The following SLC24A1 variants were observed in gnomAD, a reference collection of about 807,000 sequenced individuals.
The protein encoded by SLC24A1 is solute carrier family 24 member 1, also known as sodium/potassium/calcium exchanger 1.
A neutral mutation model predicts 88.1 loss-of-function variants in SLC24A1; 52 were observed. The observed-to-expected ratio is 0.59, with a 90% CI of 0.47 to 0.74. The LOEUF (loss-of-function observed/expected upper bound fraction) is 0.74, where lower values mean the gene tolerates loss of function less well. Among genes scored for constraint, SLC24A1 ranks in the 30% least tolerant of loss-of-function variants. SLC24A1 has a pLI of 0.00. For synonymous variants in SLC24A1, 455 were observed against 498.0 expected, an observed-to-expected ratio of 0.91 and a Z score of 1.15; for missense variants, 1,173 against 1,363.3, an observed-to-expected ratio of 0.86 and a Z score of 2.20.
intron 2 of SLC24A1, among the ~76,000 whole-genome samples, chr15:65,633,540 A>T (rs2074804403): frequency 1.3e-5 from 2 of 151,780 alleles, no homozygotes; most frequent in African/African-American, 4.8e-5. Flanking sequence ...GGCACCTGTA[A>T]TCCCAGCTAC....
intron 6 of SLC24A1, among the ~76,000 whole-genome samples, chr15:65,648,469 T>C (rs1286614582): frequency 1.3e-5 from 2 of 151,890 alleles, no homozygotes; most frequent in South Asian, 2.1e-4. Flanking sequence ...TCTGAATCAA[T>C]GGCTTTTAAT....
rs1566948829 is a variant in SLC24A1 at position 65,625,617 on chromosome 15, C to T, written c.1537C>T (p.Leu513Phe). 2 of 1,614,036 alleles carry T rather than the reference C, an allele frequency of 1.2e-6. No individual in the cohort carries two copies. Among genetic ancestry groups the T allele is most frequent in the Non-Finnish European group, 1.7e-6 (2 of 1,179,898 alleles). ...CTCTGCTCCTGAGCTCTTCACCTCC[C>T]TCATCGGTGTCTTCATTTCCCACAG... ...GGSAPELFTS[L>F]IGVFISHSNV... Residue 513 changes from leucine to phenylalanine, a missense_variant, in exon 2 of 10, where the codon CTC becomes TTC. Transcript: ENST00000261892.
chr15:65,659,321 G>GCT (rs1491492345), downstream of SLC24A1: 1 of 66,668 alleles, frequency 1.5e-5, no homozygotes, highest in Non-Finnish European at 3.0e-5. Flanking sequence ...GATATTTTCT[G>GCT]GTTTTTTTTT....
intron 4 of SLC24A1, among the ~76,000 whole-genome samples, chr15:65,640,985 C>T (rs1232543012): frequency 4.0e-5 from 6 of 151,814 alleles, no homozygotes; most frequent in Non-Finnish European, 2.9e-5. Context: ...CACTTGAACC[C>T]GGGAGGTGGA....
intron 6 of SLC24A1, 42 bp downstream of exon 6, chr15:65,645,745 AG>A: frequency 3.5e-6 from 5 of 1,419,778 alleles, no homozygotes; most frequent in Non-Finnish European, 4.9e-6. Flanking sequence ...GGAGAGGTCT[AG>A]GGAAGGAACT....
chr15:65,654,397 A>T lies in SLC24A1; in HGVS notation c.*318A>T. ...GAGATAACTGGGGGCAAAGGTTGGG[A>T]TAGGCGCAGCAGCTATAAGACAAGC... On this transcript the variant is annotated 3_prime_UTR_variant, in exon 10 of 10. Transcript: ENST00000261892. The T allele has an allele frequency of 8.5e-7, 1 of 1,178,096 alleles. No homozygotes were observed. Among genetic ancestry groups the T allele is most frequent in the South Asian group, 2.1e-5 (1 of 48,176 alleles). 73.0% of individuals were successfully genotyped at this position (1,178,096 alleles called of 1,614,324 possible).
At chr15:65,658,002 AT>A (rs1240985807), downstream of SLC24A1, 1 of 152,226 alleles carries the variant, frequency 6.6e-6, no homozygotes, top group Non-Finnish European at 1.5e-5. Flanking sequence ...TGAAAAAAAA[AT>A]ATTTAAATAG....
downstream of SLC24A1, among the ~76,000 whole-genome samples, chr15:65,657,044 A>AT (rs956750355): frequency 6.6e-6 from 1 of 151,648 alleles, no homozygotes; most frequent in Admixed American, 6.6e-5. Flanking sequence ...TGATTTTTGT[A>AT]TTTTTTTGTA....
intron 2 of SLC24A1, among the ~76,000 whole-genome samples, chr15:65,631,372 A>C (rs1160598131): frequency 6.6e-6 from 1 of 152,242 alleles, no homozygotes; most frequent in African/African-American, 2.4e-5. Flanking sequence ...AAAATAAACT[A>C]AGATGTTAAT....
downstream of SLC24A1, among the ~76,000 whole-genome samples, chr15:65,657,620 G>A (rs1566972919): frequency 6.6e-6 from 1 of 152,202 alleles, no homozygotes; most frequent in Non-Finnish European, 1.5e-5. Context: ...CTCCAGCCTG[G>A]GCAACAGCGA....
At chr15:65,639,962 T>C (rs1039125732) in intron 4 of SLC24A1, among the ~76,000 whole-genome samples, 3 of 152,174 alleles carry the variant, frequency 2.0e-5, no homozygotes, top group Admixed American at 2.0e-4. Context: ...CCTGCCTCTG[T>C]CCCTCCCTGT....
intron 2 of SLC24A1, among the ~76,000 whole-genome samples, chr15:65,615,786 T>G (rs1481738913): frequency 6.6e-6 from 1 of 152,194 alleles, no homozygotes; most frequent in African/African-American, 2.4e-5. Context: ...CATGCAGGTT[T>G]GATACATACG....
At chr15:65,649,814 A>C (rs1462932852) in intron 6 of SLC24A1, among the ~76,000 whole-genome samples, 10 of 152,272 alleles carry the variant, frequency 6.6e-5, no homozygotes, top group Admixed American at 6.5e-4. Context: ...AAAGGATGTC[A>C]TGCCATATTA....
intron 4 of SLC24A1, among the ~76,000 whole-genome samples, chr15:65,640,688 C>A (rs375242013): frequency 6.6e-6 from 1 of 152,126 alleles, no homozygotes; most frequent in East Asian, 1.9e-4. Context: ...GGCTCAAGGA[C>A]AAATTTTCGG....
intron 1 of SLC24A1, among the ~76,000 whole-genome samples, chr15:65,622,882 C>T (rs1355491589): frequency 6.6e-6 from 1 of 152,030 alleles, no homozygotes; most frequent in Non-Finnish European, 1.5e-5. Flanking sequence ...CCTGGGATTA[C>T]AGGCATGCAC....
In SLC24A1 at chr15:65,652,814, T is replaced by A; in HGVS notation, c.3050+6T>A. On this transcript the variant is annotated splice_donor_region_variant and intron_variant, in intron 9 of 9. Coordinates refer to ENST00000261892, the MANE Select transcript of SLC24A1 (RefSeq NM_004727.3). Reference sequence around the variant, plus strand: ...ATATTTGATATCACTGTGGGGTGAGTGGCAATGTAACTTTCTAAGGGGTGT... The same window carrying A: ...ATATTTGATATCACTGTGGGGTGAGAGGCAATGTAACTTTCTAAGGGGTGT... The A allele has an allele frequency of 6.3e-7, 1 of 1,587,642 alleles. No individual in the cohort carries two copies. Among genetic ancestry groups the A allele is most frequent in the Non-Finnish European group, 8.6e-7 (1 of 1,161,762 alleles).
rs1298391882 is a variant in SLC24A1, at chr15:65,656,020, G to T, written c.*1941G>T. 9.1e-6 allele frequency: 9 copies of T among 985,198 alleles called. No individual in the cohort carries two copies. Among genetic ancestry groups the T allele is most frequent in the Non-Finnish European group, 1.1e-5 (9 of 829,940 alleles). 61.0% of individuals were successfully genotyped at this position (985,198 alleles called of 1,614,324 possible). A position where few individuals can be genotyped will look rare whatever the true frequency, so the allele number is the denominator to read the frequency against. On this transcript the variant is annotated 3_prime_UTR_variant, in exon 10 of 10. Transcript: ENST00000261892. ...GCATTGCTGGGTTTCCATAGCCAAG[G>T]CCTAAGAACAGGAGGAGAAGGCAAT...
In SLC24A1 at chr15:65,652,750, C is replaced by T; in HGVS notation, c.2992C>T (p.Leu998=). 6.2e-7 allele frequency: 1 copy of T among 1,613,708 alleles called. No individual in the cohort carries two copies. Among genetic ancestry groups the T allele is most frequent in the South Asian group, 1.1e-5 (1 of 91,056 alleles). ...ITSVIVARKG[L]GDMAVSSSVG... is the part of the protein sequence containing the mutation. ...CAGTGTGATTGTCGCTCGAAAAGGC[C>T]TGGGAGACATGGCTGTGTCAAGCTC... The change falls in exon 9 of 10, where the codon CTG becomes TTG. Residue 998 remains leucine, a synonymous_variant. Transcript: ENST00000261892.
At position 65,655,697 on chromosome 15, in the gene SLC24A1, A is replaced by G. The variant is rs62014380; in HGVS notation, c.*1618A>G. On this transcript the variant is annotated 3_prime_UTR_variant, in exon 10 of 10. Transcript: ENST00000261892. ...GATGAAAAGATAGGACGGATGTGAT[A>G]TGAAAAAAACCCAAACATTTTGGCA... 62,366 of 985,280 alleles carry G rather than the reference A, an allele frequency of 0.063. 2,143 individuals carry two copies. Among genetic ancestry groups the G allele is most frequent in the African/African-American group, 0.11 (6,342 of 57,306 alleles). The allele number at this position is 985,280 out of a possible 1,614,324, so 61.0% of individuals were successfully genotyped here. A position where few individuals can be genotyped will look rare whatever the true frequency, so the allele number is the denominator to read the frequency against.
Sources: allele counts gnomAD v4.1 joint callset (sites outside exome capture counted in the v4.1 genomes callset), GRCh38; gene constraint gnomAD v4.1.1; transcripts MANE v1.5; gene names NCBI Gene and HGNC (gene_info 2026-07-23, HGNC 2026-07-21).